The following ADAP1 variants were observed in gnomAD, a reference collection of about 807,000 sequenced individuals.
The protein encoded by ADAP1 is arf-GAP with dual PH domain-containing protein 1.
Under a neutral mutation model 54.9 loss-of-function variants are expected in ADAP1, and 31 were observed. That is an observed-to-expected ratio of 0.56 (90% confidence interval 0.42 to 0.76). The LOEUF (loss-of-function observed/expected upper bound fraction) is 0.76, where lower values mean the gene tolerates loss of function less well. ADAP1 is among the 30% of genes least tolerant of loss of function. The pLI is 0.00. For synonymous variants in ADAP1, 313 were observed against 202.6 expected (o/e 1.55, Z -4.63); for missense variants, 535 against 512.4 (o/e 1.04, Z -0.42).
At chr7:902,828 A>G (rs1293119812) in intron 6 of ADAP1, among the ~76,000 whole-genome samples, 4 of 151,978 alleles carry the variant, frequency 2.6e-5, no homozygotes, top group Non-Finnish European at 5.9e-5. Flanking sequence ...ACCGCGGGAC[A>G]AACGTACTAG....
intron 7 of ADAP1, among the ~76,000 whole-genome samples, 179 bp downstream of exon 7, chr7:900,354 T>C (rs563783563): frequency 6.6e-6 from 1 of 152,176 alleles, no homozygotes; most frequent in South Asian, 2.1e-4. Context: ...CCCCTTTGGC[T>C]GAGCTGAAGT....
Position 900,078 on chromosome 7 carries a change from AGGCCGCACGTGCG to A in ADAP1, c.795+11_795+23del. ...ACCATGGCGTACCCCAGGCCACCCCAGGCCGCACGTGCGGCACACCCACCTTGGGCCCCGTCTT... is the reference window on the plus strand; with the variant it reads ...ACCATGGCGTACCCCAGGCCACCCCAGCACACCCACCTTGGGCCCCGTCTT... On this transcript the variant is annotated intron_variant, in intron 8 of 10. Coordinates refer to ENST00000265846, the MANE Select transcript of ADAP1 (RefSeq NM_006869.4). 1 of 1,612,544 alleles carries A rather than the reference AGGCCGCACGTGCG, an allele frequency of 6.2e-7. No homozygotes were observed. The highest frequency in any genetic ancestry group is 8.5e-7 in the Non-Finnish European group (1 of 1,179,596).
chr7:902,152 T>A (rs1277581517), intron 6 of ADAP1, among the ~76,000 whole-genome samples: 1 of 150,906 alleles, frequency 6.6e-6, no homozygotes, highest in Non-Finnish European at 1.5e-5. Flanking sequence ...TGAAACCCGG[T>A]CTCTACTAAA....
chr7:954,350 C>T, intron 1 of ADAP1, 46 bp downstream of exon 1: 1 of 1,013,564 alleles, frequency 9.9e-7, no homozygotes, highest in Non-Finnish European at 1.2e-6. Context: ...CACCCCGCGC[C>T]CACCCCGGAC....
At chr7:909,860 G>T (rs1056920626) in intron 4 of ADAP1, among the ~76,000 whole-genome samples, 2 of 152,064 alleles carry the variant, frequency 1.3e-5, no homozygotes, top group East Asian at 1.9e-4. Flanking sequence ...GTGTGGGGTG[G>T]GGGGGGTTCT....
At chr7:906,734 GGACAGAGTACATAGGGGACAT>G (rs1845444154) in intron 4 of ADAP1, among the ~76,000 whole-genome samples, 7 of 37,864 alleles carry the variant, frequency 1.8e-4, no homozygotes, top group African/African-American at 7.4e-4. Context: ...GGGACATGGG[GGACAGAGTACATAGGGGACAT>G]GGACAGGGGA....
At chr7:904,021 G>T (rs913667175) in intron 6 of ADAP1, 105 bp downstream of exon 6, 1 of 1,462,022 alleles carries the variant, frequency 6.8e-7, no homozygotes, top group African/African-American at 1.4e-5. Context: ...CCTAGCTCAA[G>T]TGCCTACCCT....
At position 904,200 on chromosome 7, in the gene ADAP1, G is replaced by A. The variant is rs755011413; in HGVS notation, c.574C>T (p.Pro192Ser). Residue 192 changes from proline to serine, a missense_variant, in exon 6 of 11, where the codon CCC (proline) becomes TCC (serine). Pro to Ser is a moderately conservative substitution (Grantham distance 74). Coordinates refer to ENST00000265846, the MANE Select transcript of ADAP1 (RefSeq NM_006869.4). ...ATFQPAKIGH[P>S]HGLQVTYLKD... Reference sequence around the variant, plus strand: ...AGGTAGGTGACCTGCAGGCCGTGGGGGTGGCCGATCTTGGCCGGCTGGAAG... The same window carrying A: ...AGGTAGGTGACCTGCAGGCCGTGGGAGTGGCCGATCTTGGCCGGCTGGAAG... 8 of 1,611,868 alleles carry A rather than the reference G, an allele frequency of 5.0e-6. No homozygotes were observed. In the South Asian group the frequency reaches 5.5e-5, roughly 11 times the overall value.
rs550773188 is a variant in ADAP1 at position 913,821 on chromosome 7, G to A, written c.388+6147C>T. ...GTGGTGGGGGGCGCCTGTAGTCCCA[G>A]CTACTCAGGATGCTGAGGCAGGAGA... On this transcript the variant is annotated intron_variant, in intron 4 of 10. Coordinates refer to ENST00000265846, the MANE Select transcript of ADAP1 (RefSeq NM_006869.4). 5.3e-4 allele frequency among the ~76,000 whole-genome samples: 80 copies of A among 152,320 alleles called. No homozygotes were observed. The Middle Eastern group carries it at 0.014, about 26-fold the overall frequency.
Position 926,733 on chromosome 7 carries a change from G to T in ADAP1, c.214-89C>A. The T allele has an allele frequency of 9.4e-7, 1 of 1,063,056 alleles. No individual in the cohort carries two copies. Among genetic ancestry groups the T allele is most frequent in the South Asian group, 1.7e-5 (1 of 59,752 alleles). 65.9% of individuals were successfully genotyped at this position (1,063,056 alleles called of 1,614,324 possible). ...CTGCCCTTGGGGCCGTCACCACAGT[G>T]ACCCGCAGACCCAAGGCTCTGAGGG... On this transcript the variant is annotated intron_variant, in intron 2 of 10. Coordinates refer to ENST00000265846, the MANE Select transcript of ADAP1 (RefSeq NM_006869.4). The surrounding 1 kb of genome is among the most constrained non-coding windows in gnomAD (Gnocchi z 4.6).
intron 1 of ADAP1, among the ~76,000 whole-genome samples, chr7:941,280 G>A (rs1846932918): frequency 6.6e-6 from 1 of 152,134 alleles, no homozygotes; most frequent in Admixed American, 6.5e-5. Flanking sequence ...ACCACTCCTA[G>A]TCAACGTTGA....
In ADAP1 at chr7:944,001, G is replaced by A. The variant is rs1357577478; in HGVS notation, c.83-8496C>T. On this transcript the variant is annotated intron_variant, in intron 1 of 10. Coordinates refer to ENST00000265846, the MANE Select transcript of ADAP1 (RefSeq NM_006869.4). ...GGCAATCATGGCTCACTGCAGCCTC[G>A]ACCTCCTGGATTCAAGTGATCCTCC... is the stretch of plus-strand genomic sequence containing the variant. Among the ~76,000 whole-genome samples, 5 of 151,132 alleles carry A rather than the reference G, an allele frequency of 3.3e-5. No homozygotes were observed. The East Asian group carries it at 7.8e-4, about 24-fold the overall frequency.
At chr7:929,771 T>C (rs141654962) in intron 2 of ADAP1, among the ~76,000 whole-genome samples, 1 of 151,968 alleles carries the variant, frequency 6.6e-6, no homozygotes, top group East Asian at 1.9e-4. Flanking sequence ...CGGGAGTGAA[T>C]TGTATGTGGA....
At chr7:918,831 G>T (rs1846040499) in intron 4 of ADAP1, among the ~76,000 whole-genome samples, 1 of 152,218 alleles carries the variant, frequency 6.6e-6, no homozygotes, top group Non-Finnish European at 1.5e-5. Context: ...CTACAGAGCA[G>T]ACAGGAGGAG....
At chr7:929,216 C>T (rs972662637) in intron 2 of ADAP1, among the ~76,000 whole-genome samples, 7 of 150,958 alleles carry the variant, frequency 4.6e-5, no homozygotes, top group Non-Finnish European at 8.8e-5. Context: ...CGCTTGAACC[C>T]GGGAGGCAGA....
intron 1 of ADAP1, among the ~76,000 whole-genome samples, chr7:950,072 G>A (rs1464489964): frequency 6.6e-6 from 1 of 152,218 alleles, no homozygotes; most frequent in African/African-American, 2.4e-5. Context: ...ACGGGCACAC[G>A]CAATGTGGTT....
At position 953,267 on chromosome 7, in the gene ADAP1, C is replaced by G. The variant is rs376008279; in HGVS notation, c.82+1129G>C. Among the ~76,000 whole-genome samples the G allele has an allele frequency of 1.1e-4, 17 of 152,342 alleles. No homozygotes were observed. In the East Asian group the frequency reaches 1.4e-3, roughly 12 times the overall value. On this transcript the variant is annotated intron_variant, in intron 1 of 10. Coordinates refer to ENST00000265846, the MANE Select transcript of ADAP1 (RefSeq NM_006869.4). ...TGGAAAGGCCGTGGGTCCTGCCTGT[C>G]TTTCCAGAAAAGCCTGTCGCTATCT...
chr7:950,119 G>A (rs978096650), intron 1 of ADAP1, among the ~76,000 whole-genome samples: 2 of 152,200 alleles, frequency 1.3e-5, no homozygotes, highest in African/African-American at 4.8e-5. Context: ...TCACATGCAG[G>A]GAAATCCCAG....
At chr7:900,979 C>T (rs1562906309) in intron 6 of ADAP1, 3 of 516,476 alleles carry the variant, frequency 5.8e-6, no homozygotes, top group Non-Finnish European at 1.2e-5. Flanking sequence ...ACTTGCCTTC[C>T]TTTCAGATGG....
Sources: allele counts gnomAD v4.1 joint callset (sites outside exome capture counted in the v4.1 genomes callset), GRCh38; gene constraint gnomAD v4.1.1; non-coding constraint Gnocchi (gnomAD v3.1); transcripts MANE v1.5; gene names NCBI Gene and HGNC (gene_info 2026-07-23, HGNC 2026-07-21).